Variants in ERC2 observed in about 807,000 individuals in gnomAD.
The protein encoded by ERC2 is ERC protein 2.
Under a neutral mutation model 114.8 loss-of-function variants are expected in ERC2, and 42 were observed. That is an observed-to-expected ratio of 0.37 (90% confidence interval 0.29 to 0.47). The LOEUF (loss-of-function observed/expected upper bound fraction) is 0.47, where lower values mean the gene tolerates loss of function less well. ERC2 is among the 20% of genes least tolerant of loss of function. The pLI is 0.99. For missense variants in ERC2, 939 were observed against 1,150.7 expected (o/e 0.82, Z 2.66); for synonymous variants, 454 against 425.5 (o/e 1.07, Z -0.82).
intron 2 of ERC2, among the ~76,000 whole-genome samples, chr3:56,419,226 G>T (rs148698756): frequency 6.6e-5 from 3 of 45,752 alleles, no homozygotes; most frequent in African/African-American, 3.9e-4. Context: ...AAAATCATTC[G>T]TTCCTTGCTC....
At chr3:55,648,084 A>C (rs914524243) in intron 17 of ERC2, among the ~76,000 whole-genome samples, 1 of 152,224 alleles carries the variant, frequency 6.6e-6, no homozygotes, top group Non-Finnish European at 1.5e-5. Flanking sequence ...GAGCTTCCTG[A>C]AGCTGGGGAT....
intron 17 of ERC2, among the ~76,000 whole-genome samples, chr3:55,683,492 A>G (rs2062160474): frequency 1.3e-5 from 2 of 152,206 alleles, no homozygotes; most frequent in South Asian, 4.1e-4. Flanking sequence ...ATGCCTTAAA[A>G]AGTGTGTATA....
intron 12 of ERC2, among the ~76,000 whole-genome samples, chr3:55,978,102 A>T (rs2069740773): frequency 6.6e-6 from 1 of 152,210 alleles, no homozygotes; most frequent in Non-Finnish European, 1.5e-5. Context: ...ATTTGATGAA[A>T]GCAAATAAGT....
chr3:55,788,046 A>G (rs988851857), intron 14 of ERC2, among the ~76,000 whole-genome samples: 1 of 152,226 alleles, frequency 6.6e-6, no homozygotes, highest in African/African-American at 2.4e-5. Context: ...GTGGTTCCAG[A>G]ATCTTCCAAA....
chr3:55,667,043 T>C (rs2061383165), intron 17 of ERC2, among the ~76,000 whole-genome samples: 1 of 152,258 alleles, frequency 6.6e-6, no homozygotes, highest in South Asian at 2.1e-4. Context: ...TGTGTTAGTT[T>C]CCCAGGCTAA....
At chr3:55,522,039 T>C (rs747690528) in intron 17 of ERC2, among the ~76,000 whole-genome samples, 1 of 152,256 alleles carries the variant, frequency 6.6e-6, no homozygotes, top group Non-Finnish European at 1.5e-5. Context: ...CTGAAATTCA[T>C]TTTTTAAACT....
At chr3:56,334,409 TC>T (rs2057763255) in intron 2 of ERC2, among the ~76,000 whole-genome samples, 2 of 152,308 alleles carry the variant, frequency 1.3e-5, no homozygotes, top group Non-Finnish European at 1.5e-5. Flanking sequence ...ATGACCTGAT[TC>T]CTGCAACTTA....
At chr3:55,740,088 C>T (rs542274326) in intron 14 of ERC2, among the ~76,000 whole-genome samples, 1 of 152,182 alleles carries the variant, frequency 6.6e-6, no homozygotes, top group African/African-American at 2.4e-5. Flanking sequence ...TATTTATCCT[C>T]TCATAATACC....
rs761695405 is a variant in ERC2, at chr3:55,992,225, C to T, written c.2087G>A (p.Arg696Lys). The T allele has an allele frequency of 5.6e-6, 9 of 1,613,352 alleles. No homozygotes were observed. Among genetic ancestry groups the T allele is most frequent in the Non-Finnish European group, 7.6e-6 (9 of 1,179,688 alleles). ...TTGGTCTGCAAACTCAGGGTTCATC[C>T]TGGAGTCATCTTCAATATTATGTGC... ...KKAHNIEDDS[R>K]MNPEFADQIK... Residue 696 changes from arginine to lysine, a missense_variant, in exon 11 of 18, where the codon AGG becomes AAG. This residue lies in a region of ERC2 where 328 missense variants were observed against 353.9 expected (regional missense o/e 0.93). Coordinates refer to ENST00000288221, the MANE Select transcript of ERC2 (RefSeq NM_015576.3).
chr3:55,824,736 C>A (rs1163384070), intron 14 of ERC2, among the ~76,000 whole-genome samples: 1 of 152,078 alleles, frequency 6.6e-6, no homozygotes, highest in Non-Finnish European at 1.5e-5. Flanking sequence ...CTTTTGGGGG[C>A]CCTGCATTTT....
chr3:56,021,839 T>G (rs2073736087), intron 7 of ERC2, among the ~76,000 whole-genome samples: 1 of 152,366 alleles, frequency 6.6e-6, no homozygotes. Flanking sequence ...TTTCCGTTTC[T>G]GCGTTAGTTT....
At chr3:55,734,478 A>G (rs2065497914) in intron 15 of ERC2, among the ~76,000 whole-genome samples, 1 of 152,214 alleles carries the variant, frequency 6.6e-6, no homozygotes, top group South Asian at 2.1e-4. Context: ...GAAGTCAAAC[A>G]AAGTCCACTG....
At chr3:56,099,857 T>C (rs1027023731) in intron 6 of ERC2, among the ~76,000 whole-genome samples, 1 of 152,192 alleles carries the variant, frequency 6.6e-6, no homozygotes, top group African/African-American at 2.4e-5. Context: ...CTCCTGACCT[T>C]GCATCTTGCC....
intron 3 of ERC2, among the ~76,000 whole-genome samples, chr3:56,187,364 T>A (rs780731037): frequency 2.0e-5 from 3 of 152,198 alleles, no homozygotes; most frequent in Non-Finnish European, 4.4e-5. Context: ...AATGAGCATC[T>A]GTTACAATCT....
intron 17 of ERC2, among the ~76,000 whole-genome samples, chr3:55,583,395 CTTCT>C (rs1160005913): frequency 0.025 from 3,218 of 128,444 alleles, 204 homozygotes; most frequent in African/African-American, 0.1. Flanking sequence ...TCTTTCCTTC[CTTCT>C]TTCCTTCCTT....
At chr3:56,171,687 A>T (rs941624730) in intron 4 of ERC2, among the ~76,000 whole-genome samples, 1 of 152,064 alleles carries the variant, frequency 6.6e-6, no homozygotes, top group Non-Finnish European at 1.5e-5. Flanking sequence ...ACATAATGCT[A>T]AAAACAACAA....
At chr3:55,572,245 G>A (rs2056754908) in intron 17 of ERC2, among the ~76,000 whole-genome samples, 1 of 152,236 alleles carries the variant, frequency 6.6e-6, no homozygotes. Context: ...CTGGGAGACA[G>A]GCAGGCTTTG....
chr3:56,315,951 C>T (rs528197246), intron 2 of ERC2, among the ~76,000 whole-genome samples: 3 of 152,030 alleles, frequency 2.0e-5, no homozygotes, highest in South Asian at 2.1e-4. Context: ...GAATTTAAAT[C>T]GAAGTAAGCC....
intron 12 of ERC2, among the ~76,000 whole-genome samples, chr3:55,963,349 CAG>C (rs1333432791): frequency 1.3e-5 from 2 of 152,194 alleles, no homozygotes; most frequent in African/African-American, 4.8e-5. Context: ...CCTGTACAGA[CAG>C]ATTAAATCTG....
Sources: allele counts gnomAD v4.1 joint callset (sites outside exome capture counted in the v4.1 genomes callset), GRCh38; gene constraint gnomAD v4.1.1; regional missense constraint gnomAD v4.1.1; transcripts MANE v1.5; gene names NCBI Gene and HGNC (gene_info 2026-07-23, HGNC 2026-07-21).